VCPKMT: variants seen among roughly 807,000 people sequenced by gnomAD.
VCPKMT encodes the protein protein N-lysine methyltransferase METTL21D.
VCPKMT carries 32 observed loss-of-function variants against 28.6 expected under a neutral mutation model. The observed-to-expected ratio is 1.12, with a 90% CI of 0.84 to 1.50. VCPKMT has a LOEUF of 1.50. Ranked by LOEUF, VCPKMT falls within the 40% of genes most tolerant of loss-of-function variation. The probability of loss-of-function intolerance (pLI) is 0.00; values close to 1 mark genes in which losing one functional copy is unlikely to be tolerated. For synonymous variants in VCPKMT, 138 were observed against 111.4 expected (o/e 1.24, Z -1.50); for missense variants, 366 against 285.0 (o/e 1.28, Z -2.05).
At chr14:50,111,235 C>G in intron 5 of VCPKMT, 1 of 984,634 alleles carries the variant, frequency 1.0e-6, no homozygotes, top group African/African-American at 1.8e-5. Flanking sequence ...TTTCTGCCTC[C>G]AAAAAATTCT....
chr14:50,106,709 G>A, downstream of VCPKMT: 2 of 929,026 alleles, frequency 2.2e-6, no homozygotes, highest in Non-Finnish European at 2.6e-6. Flanking sequence ...ACTTCCTCAG[G>A]CCTTCCTCCT....
chr14:50,108,542 T>C (rs1882424201), downstream of VCPKMT: 2 of 904,036 alleles, frequency 2.2e-6, no homozygotes, highest in Non-Finnish European at 2.6e-6. Flanking sequence ...TTGACTTGTA[T>C]CCTTAATGTC....
chr14:50,103,699 TAAGA>T (rs1261512660), downstream of VCPKMT, among the ~76,000 whole-genome samples: 1 of 152,230 alleles, frequency 6.6e-6, no homozygotes, highest in Non-Finnish European at 1.5e-5. Flanking sequence ...TTTATTTTTC[TAAGA>T]TTGTTATTTG....
chr14:50,111,555 C>G (rs1436206392), intron 5 of VCPKMT: 1 of 985,270 alleles, frequency 1.0e-6, no homozygotes, highest in Non-Finnish European at 1.2e-6. Context: ...TTACACTAGT[C>G]ACATATACCA....
intron 4 of VCPKMT, among the ~76,000 whole-genome samples, chr14:50,113,685 A>G (rs1882866571): frequency 6.6e-6 from 1 of 151,844 alleles, no homozygotes; most frequent in African/African-American, 2.4e-5. Context: ...AAAAACACAG[A>G]AGTAAAAACT....
Position 50,116,505 on chromosome 14 carries a change from A to T in VCPKMT, c.48T>A (p.Phe16Leu), listed in dbSNP as rs754622174. Reference sequence around the variant, plus strand: ...CATCCCGCTTCTCCAAAACTCGCACAAAGCTCCGCAGTGGGTCCTCCAGCG... The same window carrying T: ...CATCCCGCTTCTCCAAAACTCGCACTAAGCTCCGCAGTGGGTCCTCCAGCG... Reference protein sequence around the residue: ...ESSLEDPLRSFVRVLEKRDGT... With the variant: ...ESSLEDPLRSLVRVLEKRDGT... Residue 16 changes from phenylalanine to leucine, a missense_variant, in exon 1 of 6, where the codon TTT becomes TTA. Phe to Leu is a conservative substitution (Grantham distance 22). Coordinates refer to ENST00000395860, the MANE Select transcript of VCPKMT (RefSeq NM_024558.3). 13 of 1,613,672 alleles carry T rather than the reference A, an allele frequency of 8.1e-6. No homozygotes were observed. Among genetic ancestry groups the T allele is most frequent in the South Asian group, 2.2e-5 (2 of 91,080 alleles).
At chr14:50,114,875 C>T (rs1253083431) in intron 3 of VCPKMT, among the ~76,000 whole-genome samples, 4 of 152,068 alleles carry the variant, frequency 2.6e-5, no homozygotes, top group Non-Finnish European at 5.9e-5. Context: ...CAAACAAAAA[C>T]CCCTCTGTAA....
At chr14:50,102,817 T>C in the VCPKMT span, among the ~76,000 whole-genome samples, 9 of 152,210 alleles carry the variant, frequency 5.9e-5, no homozygotes, top group Non-Finnish European at 1.2e-4. Context: ...AATAAGTTAC[T>C]GTATTATAGG....
At chr14:50,109,778 T>C in intron 5 of VCPKMT, 65 bp from the exon 6 acceptor site, 3 of 1,539,274 alleles carry the variant, frequency 1.9e-6, no homozygotes, top group Non-Finnish European at 2.6e-6. Flanking sequence ...GGGTATTTAA[T>C]AATGCCTAAT....
intron 3 of VCPKMT, among the ~76,000 whole-genome samples, chr14:50,115,548 G>A (rs1008653086): frequency 6.6e-6 from 1 of 152,222 alleles, no homozygotes; most frequent in African/African-American, 2.4e-5. Flanking sequence ...GGGAAAAAGA[G>A]AGGATTTTGG....
chr14:50,113,497 A>C (rs1462990498), intron 4 of VCPKMT: 1 of 152,040 alleles, frequency 6.6e-6, no homozygotes, highest in Non-Finnish European at 1.5e-5. Context: ...TGCCCATATA[A>C]GGGTTTGGGT....
downstream of VCPKMT, among the ~76,000 whole-genome samples, chr14:50,106,345 A>T (rs1468915544): frequency 6.6e-6 from 1 of 152,194 alleles, no homozygotes; most frequent in African/African-American, 2.4e-5. Flanking sequence ...CATTGTGCAG[A>T]GGCAACCCAC....
intron 4 of VCPKMT, among the ~76,000 whole-genome samples, 194 bp downstream of exon 4, chr14:50,114,091 A>G (rs1390928163): frequency 6.6e-6 from 1 of 152,246 alleles, no homozygotes; most frequent in Non-Finnish European, 1.5e-5. Flanking sequence ...TCAACTAATT[A>G]GAAATGAAAT....
At chr14:50,112,482 C>A in intron 5 of VCPKMT, 133 bp downstream of exon 5, 35 of 416,294 alleles carry the variant, frequency 8.4e-5, no homozygotes, top group East Asian at 2.4e-4. Flanking sequence ...AATGAAGTTA[C>A]TGCCTGAGTC....
rs1882479297 is a variant in VCPKMT at position 50,109,301 on chromosome 14, A to C, written c.*398T>G. On this transcript the variant is annotated 3_prime_UTR_variant, in exon 6 of 6. Coordinates refer to ENST00000395860, the MANE Select transcript of VCPKMT (RefSeq NM_024558.3). ...ACTAAAATTTACTAGTTTGAATTTA[A>C]AACATTATTATATAATAGCAGATAG... The C allele has an allele frequency of 1.0e-6, 1 of 995,640 alleles. No homozygotes were observed. 61.7% of individuals were successfully genotyped at this position (995,640 alleles called of 1,614,324 possible).
chr14:50,113,384 T>C (rs1384469392), intron 4 of VCPKMT: 2 of 152,204 alleles, frequency 1.3e-5, no homozygotes, highest in East Asian at 3.8e-4. Flanking sequence ...GGCAGTCATA[T>C]ACCTGCTTTC....
At chr14:50,106,240 G>A (rs771657202), downstream of VCPKMT, among the ~76,000 whole-genome samples, 3 of 152,080 alleles carry the variant, frequency 2.0e-5, no homozygotes, top group African/African-American at 7.2e-5. Context: ...AATTTTCCAC[G>A]TGCAGCCTGG....
chr14:50,107,190 G>A (rs1409117819), downstream of VCPKMT, among the ~76,000 whole-genome samples: 9 of 152,218 alleles, frequency 5.9e-5, no homozygotes, highest in Admixed American at 5.9e-4. Flanking sequence ...TCTCTGAACT[G>A]GCCACCTTCA....
rs761956754 is a variant in VCPKMT at position 50,114,370 on chromosome 14, A to G, written c.485T>C (p.Ile162Thr). Reference protein sequence around the residue: ...LEPLLKTLKDISGFETCIICC... With the variant: ...LEPLLKTLKDTSGFETCIICC... ...TATAATACAAGTTTCAAATCCGCTG[A>G]TATCTTTTAGAGTTTTCAGCAATGG... The change falls in exon 4 of 6, where the codon ATC becomes ACC. Residue 162 changes from isoleucine (I) to threonine (T), a missense_variant. Physicochemically the swap from Ile to Thr is moderately conservative, Grantham distance 89 (BLOSUM62 -1). Coordinates refer to ENST00000395860, the MANE Select transcript of VCPKMT (RefSeq NM_024558.3). The G allele has an allele frequency of 8.2e-6, 13 of 1,582,568 alleles. No homozygotes were observed. Among genetic ancestry groups the G allele is most frequent in the African/African-American group, 1.4e-5 (1 of 73,630 alleles).
Sources: allele counts gnomAD v4.1 joint callset (sites outside exome capture counted in the v4.1 genomes callset), GRCh38; gene constraint gnomAD v4.1.1; transcripts MANE v1.5; gene names NCBI Gene and HGNC (gene_info 2026-07-23, HGNC 2026-07-21).